The following GNB5 variants were observed in gnomAD, a reference collection of about 807,000 sequenced individuals.
GNB5 encodes the protein G protein subunit beta 5.
Under a neutral mutation model 55.3 loss-of-function variants are expected in GNB5, and 37 were observed. That is an observed-to-expected ratio of 0.67 (90% CI 0.51 to 0.88). The LOEUF (loss-of-function observed/expected upper bound fraction) is 0.88, where lower values mean the gene tolerates loss of function less well. GNB5 is among the 40% of genes least tolerant of loss of function. The probability of loss-of-function intolerance (pLI) is 0.00; values close to 1 mark genes in which losing one functional copy is unlikely to be tolerated. For missense variants in GNB5, 476 were observed against 515.3 expected (o/e 0.92, Z 0.74); for synonymous variants, 219 against 198.5 (o/e 1.10, Z -0.87).
In GNB5 at chr15:52,128,321, G is replaced by C; in HGVS notation, c.864-77C>G. 5 of 892,850 alleles carry C rather than the reference G, an allele frequency of 5.6e-6. No individual in the cohort carries two copies. The South Asian group carries it at 6.8e-5, about 12-fold the overall frequency. 55.3% of individuals were successfully genotyped at this position (892,850 alleles called of 1,614,324 possible). On this transcript the variant is annotated intron_variant, in intron 9 of 12. Transcript: ENST00000261837. ...CCATCAGAACCATGCTAGGCCCTTGGAATCAGAATCTCTATTTCTAGGGAC... is the reference window on the plus strand; with the variant it reads ...CCATCAGAACCATGCTAGGCCCTTGCAATCAGAATCTCTATTTCTAGGGAC...
intron 9 of GNB5, among the ~76,000 whole-genome samples, chr15:52,132,636 A>ATCTTTTTTTTTTT (rs2033606848): frequency 7.4e-6 from 1 of 134,802 alleles, no homozygotes; most frequent in Non-Finnish European, 1.6e-5. Context: ...TGCCCTGCTA[A>ATCTTTTTTTTTTT]TTTTTTTTTT....
intron 3 of GNB5, among the ~76,000 whole-genome samples, chr15:52,160,294 A>G (rs2034303895): frequency 6.6e-6 from 1 of 152,182 alleles, no homozygotes; most frequent in African/African-American, 2.4e-5. Flanking sequence ...TTTTTTAGGA[A>G]AATGGCAGAC....
chr15:52,150,020 T>A (rs1252807011), intron 4 of GNB5, 95 bp from the exon 5 acceptor site: 11 of 927,194 alleles, frequency 1.2e-5, no homozygotes, highest in African/African-American at 3.2e-5. Flanking sequence ...CAGGGCAGTG[T>A]GAAGTAGAAA....
At chr15:52,171,684 G>T (rs919074078) in intron 3 of GNB5, among the ~76,000 whole-genome samples, 3 of 152,164 alleles carry the variant, frequency 2.0e-5, no homozygotes, top group African/African-American at 7.2e-5. Flanking sequence ...CATTTTCTTA[G>T]AATATGAAAA....
intron 3 of GNB5, among the ~76,000 whole-genome samples, chr15:52,168,686 A>G (rs1320975543): frequency 6.6e-6 from 1 of 152,214 alleles, no homozygotes; most frequent in African/African-American, 2.4e-5. Context: ...AAAGGAACAA[A>G]GCTGGAGGCA....
chr15:52,190,936 G>A (rs770246682), intron 1 of GNB5, among the ~76,000 whole-genome samples: 1 of 152,088 alleles, frequency 6.6e-6, no homozygotes, highest in Admixed American at 6.6e-5. Flanking sequence ...TACACACAAT[G>A]TGGATGTATC....
intron 6 of GNB5, among the ~76,000 whole-genome samples, chr15:52,144,945 G>A (rs72734909): frequency 0.055 from 8,366 of 152,242 alleles, 330 homozygotes; most frequent in Non-Finnish European, 0.077. Context: ...TCCTCCTTTG[G>A]TTGGTTCTAA....
intron 1 of GNB5, among the ~76,000 whole-genome samples, chr15:52,190,668 C>T (rs1275719229): frequency 6.6e-6 from 1 of 151,510 alleles, no homozygotes; most frequent in South Asian, 2.1e-4. Context: ...TCGGTATAAC[C>T]ACTGTAGAAA....
At chr15:52,141,501 C>A (rs532960793) in intron 6 of GNB5, among the ~76,000 whole-genome samples, 1 of 151,058 alleles carries the variant, frequency 6.6e-6, no homozygotes, top group Non-Finnish European at 1.5e-5. Flanking sequence ...CTCTTGGCCT[C>A]GAACTCGTGG....
At position 52,115,250 on chromosome 15, in the gene GNB5, A is replaced by G. The variant is rs139350033; in HGVS notation, c.*7507T>C. Reference sequence around the variant, plus strand: ...CTCTGGAACTGCCATTGGTAACTCAACAATGATGAAAAGAACTAAACAACA... The same window carrying G: ...CTCTGGAACTGCCATTGGTAACTCAGCAATGATGAAAAGAACTAAACAACA... On this transcript the variant is annotated 3_prime_UTR_variant, in exon 13 of 13. Transcript: ENST00000261837. The G allele has an allele frequency of 1.5e-3, 224 of 152,374 alleles. 1 individual carries two copies. Among genetic ancestry groups the G allele is most frequent in the African/African-American group, 5.3e-3 (221 of 41,594 alleles). 9.4% of individuals were successfully genotyped at this position (152,374 alleles called of 1,614,324 possible).
At chr15:52,163,840 T>A (rs1231617692) in intron 3 of GNB5, among the ~76,000 whole-genome samples, 1 of 152,168 alleles carries the variant, frequency 6.6e-6, no homozygotes. Context: ...TGGCATCAGG[T>A]TGGTGCCCCT....
chr15:52,123,948 C>T (rs753458904), intron 12 of GNB5, among the ~76,000 whole-genome samples: 58 of 148,274 alleles, frequency 3.9e-4, no homozygotes, highest in Non-Finnish European at 7.1e-4. Flanking sequence ...GGCATACACC[C>T]CAAATTTGGC....
chr15:52,157,108 TG>T (rs1306508276), intron 3 of GNB5, among the ~76,000 whole-genome samples: 1 of 151,216 alleles, frequency 6.6e-6, no homozygotes, highest in Non-Finnish European at 1.5e-5. Flanking sequence ...GCTAATTTTT[TG>T]TATTTTTAGT....
At chr15:52,134,205 G>C (rs2033644820) in intron 8 of GNB5, among the ~76,000 whole-genome samples, 2 of 152,258 alleles carry the variant, frequency 1.3e-5, no homozygotes, top group Admixed American at 6.5e-5. Flanking sequence ...TCTGGGAGTA[G>C]TTTGATAAGT....
intron 9 of GNB5, 111 bp downstream of exon 9, chr15:52,133,267 C>A (rs1459044252): frequency 2.9e-6 from 2 of 687,866 alleles, no homozygotes; most frequent in Non-Finnish European, 5.1e-6. Flanking sequence ...CCCGGGGAGG[C>A]CTCTCTCAGC....
intron 4 of GNB5, among the ~76,000 whole-genome samples, chr15:52,150,999 T>C (rs1369192277): frequency 2.0e-5 from 3 of 152,234 alleles, no homozygotes; most frequent in African/African-American, 4.8e-5. Flanking sequence ...TGCAGTGACA[T>C]AGCTGCTTGC....
At chr15:52,158,126 G>A (rs1473002295) in intron 3 of GNB5, among the ~76,000 whole-genome samples, 1 of 152,090 alleles carries the variant, frequency 6.6e-6, no homozygotes, top group Non-Finnish European at 1.5e-5. Flanking sequence ...AGACAGGAGT[G>A]CTGTCTTGTT....
intron 1 of GNB5, among the ~76,000 whole-genome samples, chr15:52,187,049 C>T (rs1472981387): frequency 1.3e-5 from 2 of 152,146 alleles, no homozygotes; most frequent in South Asian, 2.1e-4. Flanking sequence ...TCAAGGTCAG[C>T]GGCAGAGCTG....
intron 7 of GNB5, chr15:52,137,800 G>A: frequency 7.9e-7 from 1 of 1,261,874 alleles, no homozygotes; most frequent in African/African-American, 1.5e-5. Flanking sequence ...GGTACTGACA[G>A]CAATGGAGGG....
Sources: gnomAD v4.1 joint callset for allele counts (sites outside exome capture counted in the v4.1 genomes callset) on GRCh38, gnomAD v4.1.1 for gene constraint, MANE v1.5 for transcripts, NCBI Gene and HGNC (gene_info 2026-07-23, HGNC 2026-07-21) for gene names.